Variants in MAP4K4 observed in about 807,000 individuals in gnomAD.
MAP4K4 encodes HPK/GCK-like kinase HGK.
Under a neutral mutation model 189.6 loss-of-function variants are expected in MAP4K4, and 38 were observed. That is an observed-to-expected ratio of 0.20 (90% confidence interval 0.15 to 0.26). The LOEUF (loss-of-function observed/expected upper bound fraction) is 0.26. Among genes scored for constraint, MAP4K4 ranks in the 10% least tolerant of loss-of-function variants. The pLI, the probability that MAP4K4 is intolerant of heterozygous loss-of-function variation, is 1.00. For synonymous variants in MAP4K4, 610 were observed against 624.3 expected, an observed-to-expected ratio of 0.98 and a Z score of 0.34; for missense variants, 1,054 against 1,726.9, an observed-to-expected ratio of 0.61 and a Z score of 6.91.
At chr2:101,805,860 G>C (rs1259706536) in intron 3 of MAP4K4, among the ~76,000 whole-genome samples, 1 of 152,158 alleles carries the variant, frequency 6.6e-6, no homozygotes, top group East Asian at 1.9e-4. Context: ...TGGGATTCTT[G>C]TTTGGCCTGT....
intron 18 of MAP4K4, among the ~76,000 whole-genome samples, 168 bp from the exon 19 acceptor site, chr2:101,866,260 A>G (rs563287291): frequency 2.6e-5 from 4 of 152,296 alleles, no homozygotes; most frequent in African/African-American, 7.2e-5. Context: ...TCCATGAACA[A>G]TGTCATTATA....
exon 17 of MAP4K4, chr2:101,863,871 G>A (rs970661314): frequency 6.6e-6 from 9 of 1,367,536 alleles, no homozygotes; most frequent in African/African-American, 5.9e-5. Flanking sequence ...CCCCTGTCTC[G>A]CGATCCCATT....
intron 3 of MAP4K4, among the ~76,000 whole-genome samples, chr2:101,811,615 G>A (rs1262314898): frequency 1.3e-5 from 2 of 151,978 alleles, no homozygotes; most frequent in African/African-American, 4.8e-5. Flanking sequence ...TGGTCCATGT[G>A]TCTCTTTGAC....
chr2:101,794,590 T>G (rs1487263117), intron 3 of MAP4K4, among the ~76,000 whole-genome samples: 1 of 152,224 alleles, frequency 6.6e-6, no homozygotes, highest in Non-Finnish European at 1.5e-5. Context: ...ACCATGACAC[T>G]TCACCTGAAA....
At chr2:101,807,092 A>C in intron 3 of MAP4K4, among the ~76,000 whole-genome samples, 1 of 143,642 alleles carries the variant, frequency 7.0e-6, no homozygotes, top group African/African-American at 2.6e-5. Flanking sequence ...CACTCTTGTC[A>C]CCCAGGCTAG....
chr2:101,796,994 C>G (rs566175614), intron 3 of MAP4K4, among the ~76,000 whole-genome samples: 1 of 152,286 alleles, frequency 6.6e-6, no homozygotes, highest in South Asian at 2.1e-4. Flanking sequence ...TTTTGAATGC[C>G]TTCTGAGCTC....
At chr2:101,777,116 G>A (rs1050524054) in intron 2 of MAP4K4, among the ~76,000 whole-genome samples, 10 of 152,098 alleles carry the variant, frequency 6.6e-5, no homozygotes, top group Non-Finnish European at 2.9e-5. Flanking sequence ...TGTGAGTTCC[G>A]CTTGAAAAGT....
At chr2:101,887,865 G>T in exon 31 of MAP4K4, 2 of 1,612,900 alleles carry the variant, frequency 1.2e-6, no homozygotes, top group Non-Finnish European at 1.7e-6. Context: ...AGATGAGGGG[G>T]TTTATGTAAA....
At chr2:101,836,722 C>T (rs888175095) in intron 9 of MAP4K4, among the ~76,000 whole-genome samples, 7 of 152,138 alleles carry the variant, frequency 4.6e-5, no homozygotes, top group African/African-American at 1.2e-4. Flanking sequence ...CAGCTTTAAT[C>T]GCAGAATAGC....
At chr2:101,803,245 A>ATGTGTGTGTGTGTGTGTGTG (rs6146862) in intron 3 of MAP4K4, among the ~76,000 whole-genome samples, 4 of 150,244 alleles carry the variant, frequency 2.7e-5, no homozygotes, top group African/African-American at 4.9e-5. Context: ...GATGATGATG[A>ATGTGTGTGTGTGTGTGTGTG]TGTGTGTGTG....
At chr2:101,710,617 A>G (rs188019020) in intron 2 of MAP4K4, among the ~76,000 whole-genome samples, 1 of 152,346 alleles carries the variant, frequency 6.6e-6, no homozygotes, top group East Asian at 1.9e-4. Flanking sequence ...CAGAAAATGA[A>G]CACACAGTTA....
intron 8 of MAP4K4, 88 bp from the exon 9 acceptor site, chr2:101,835,812 A>C: frequency 4.6e-6 from 4 of 862,906 alleles, no homozygotes; most frequent in Non-Finnish European, 7.8e-6. Context: ...GATGGGCCAG[A>C]GCATTTCATG....
chr2:101,792,267 A>C (rs2093002391), intron 3 of MAP4K4, among the ~76,000 whole-genome samples: 1 of 152,110 alleles, frequency 6.6e-6, no homozygotes, highest in Admixed American at 6.5e-5. Context: ...TTATTAACAC[A>C]CTTTTTGACT....
At chr2:101,706,860 A>G (rs1235578604) in intron 2 of MAP4K4, among the ~76,000 whole-genome samples, 1 of 152,242 alleles carries the variant, frequency 6.6e-6, no homozygotes, top group African/African-American at 2.4e-5. Flanking sequence ...TGTATGGCTG[A>G]AAATCCCTTT....
intron 3 of MAP4K4, among the ~76,000 whole-genome samples, chr2:101,818,572 A>C (rs115909399): frequency 1.6e-4 from 24 of 152,362 alleles, no homozygotes; most frequent in African/African-American, 5.5e-4. Context: ...TTAGGTAACA[A>C]GTTTGAACAG....
intron 8 of MAP4K4, among the ~76,000 whole-genome samples, chr2:101,835,300 G>A (rs1353393876): frequency 6.6e-6 from 1 of 152,146 alleles, no homozygotes; most frequent in Non-Finnish European, 1.5e-5. Flanking sequence ...GTCTTCTGAA[G>A]GTAAAGAAAC....
intron 2 of MAP4K4, among the ~76,000 whole-genome samples, chr2:101,733,242 A>G (rs905553778): frequency 2.6e-5 from 4 of 152,170 alleles, no homozygotes; most frequent in African/African-American, 9.7e-5. Flanking sequence ...GAGGAAGGAA[A>G]TGGCGATGGG....
intron 7 of MAP4K4, among the ~76,000 whole-genome samples, chr2:101,832,243 A>G (rs2096613591): frequency 6.6e-6 from 1 of 152,194 alleles, no homozygotes; most frequent in Non-Finnish European, 1.5e-5. Flanking sequence ...TTGTTAAACC[A>G]CTTTACAGCT....
chr2:101,701,786 G>A (rs748478196), intron 2 of MAP4K4, among the ~76,000 whole-genome samples: 2 of 152,142 alleles, frequency 1.3e-5, no homozygotes, highest in Admixed American at 6.5e-5. Flanking sequence ...GAAGTGTCTG[G>A]TATGATCAGT....
Sources: gnomAD v4.1 joint callset for allele counts (sites outside exome capture counted in the v4.1 genomes callset) on GRCh38, gnomAD v4.1.1 for gene constraint, MANE v1.5 for transcripts, NCBI Gene and HGNC (gene_info 2026-07-23, HGNC 2026-07-21) for gene names.